Variants in UBASH3B observed in about 807,000 individuals in gnomAD.
The protein encoded by UBASH3B is ubiquitin-associated and SH3 domain-containing protein B.
UBASH3B carries 37 observed loss-of-function variants against 83.4 expected under a neutral mutation model. That is an observed-to-expected ratio of 0.44 (90% CI 0.34 to 0.58). The LOEUF (loss-of-function observed/expected upper bound fraction) is 0.58, where lower values mean the gene tolerates loss of function less well. UBASH3B is among the 20% of genes least tolerant of loss of function. The pLI is 0.01. For synonymous variants in UBASH3B, 304 were observed against 318.3 expected (o/e 0.96, Z 0.48); for missense variants, 657 against 827.2 (o/e 0.79, Z 2.52).
At position 122,720,180 on chromosome 11, in the gene UBASH3B, A is replaced by G. The variant is rs183355985; in HGVS notation, c.162-56039A>G. Among the ~76,000 whole-genome samples, 31 of 152,224 alleles carry G rather than the reference A, an allele frequency of 2.0e-4. No individual in the cohort carries two copies. In the East Asian group the frequency reaches 5.4e-3, roughly 26 times the overall value. Reference sequence around the variant, plus strand: ...CCAGACTCCGTACTCAGCATCTCCTATGGATGTCAAATAGGCATCTCAAAC... The same window carrying G: ...CCAGACTCCGTACTCAGCATCTCCTGTGGATGTCAAATAGGCATCTCAAAC... On this transcript the variant is annotated intron_variant, in intron 1 of 13. Transcript: ENST00000284273.
rs140705280 is a variant in UBASH3B at position 122,679,454 on chromosome 11, C to G, written c.161+23244C>G. Among the ~76,000 whole-genome samples, 281 of 152,316 alleles carry G rather than the reference C, an allele frequency of 1.8e-3. 1 individual carries two copies. The highest frequency in any genetic ancestry group is 6.3e-3 in the African/African-American group (262 of 41,580). On this transcript the variant is annotated intron_variant, in intron 1 of 13. Coordinates refer to ENST00000284273, the MANE Select transcript of UBASH3B (RefSeq NM_032873.5). The stretch of plus-strand genomic sequence containing the variant: ...TCAAAATGTGGTCCTCAGACCAGCC[C>G]TTTTGGTACCAACCAGGAGCTTGTT...
intron 1 of UBASH3B, among the ~76,000 whole-genome samples, chr11:122,665,019 C>T (rs1419878501): frequency 1.3e-5 from 2 of 152,244 alleles, no homozygotes; most frequent in Non-Finnish European, 2.9e-5. Flanking sequence ...CTTCATTCTC[C>T]TGCCTCAGCC....
At chr11:122,659,491 C>T (rs184875880) in intron 1 of UBASH3B, among the ~76,000 whole-genome samples, 192 of 152,250 alleles carry the variant, frequency 1.3e-3, no homozygotes, top group African/African-American at 4.3e-3. Flanking sequence ...CTGATGTGGT[C>T]GGCCTTCCCC....
intron 1 of UBASH3B, among the ~76,000 whole-genome samples, chr11:122,689,819 C>G (rs949284415): frequency 1.3e-5 from 2 of 152,090 alleles, no homozygotes; most frequent in Admixed American, 1.3e-4. Context: ...TCACAGAACT[C>G]AGGGAAACAC....
intron 1 of UBASH3B, among the ~76,000 whole-genome samples, chr11:122,722,516 A>G (rs897282707): frequency 1.3e-5 from 2 of 152,186 alleles, no homozygotes; most frequent in African/African-American, 4.8e-5. Context: ...TCAGTGGCAG[A>G]AGGAACCATC....
chr11:122,771,005 A>G lies in UBASH3B; in HGVS notation c.162-5214A>G, dbSNP rs143955034. 1.7e-3 allele frequency among the ~76,000 whole-genome samples: 255 copies of G among 152,316 alleles called. 2 individuals are homozygous for G. Among genetic ancestry groups the G allele is most frequent in the African/African-American group, 6.1e-3 (252 of 41,564 alleles). On this transcript the variant is annotated intron_variant, in intron 1 of 13. Coordinates refer to ENST00000284273, the MANE Select transcript of UBASH3B (RefSeq NM_032873.5). ...GAGATCAGGTCCAAGCTCTAAAGTG[A>G]CGCATAAGGCCTTTGCGAGTGATCT...
At chr11:122,693,024 C>T (rs1863915427) in intron 1 of UBASH3B, among the ~76,000 whole-genome samples, 1 of 152,022 alleles carries the variant, frequency 6.6e-6, no homozygotes, top group Non-Finnish European at 1.5e-5. Flanking sequence ...GTGGAGTTAG[C>T]AGCAATGTTT....
intron 1 of UBASH3B, among the ~76,000 whole-genome samples, chr11:122,750,748 A>T (rs1232948805): frequency 6.6e-6 from 1 of 152,182 alleles, no homozygotes; most frequent in Non-Finnish European, 1.5e-5. Context: ...TTAAGATCCT[A>T]GTCCAAGCTC....
intron 3 of UBASH3B, among the ~76,000 whole-genome samples, chr11:122,777,560 A>T (rs1432748224): frequency 6.6e-6 from 1 of 152,196 alleles, no homozygotes; most frequent in Admixed American, 6.5e-5. Context: ...AAGAGGAGGA[A>T]CTAAGAGCAG....
In UBASH3B at chr11:122,779,637, T is replaced by G; in HGVS notation, c.543T>G (p.Ser181Arg). The G allele has an allele frequency of 6.2e-7, 1 of 1,614,170 alleles. No individual in the cohort carries two copies. Among genetic ancestry groups the G allele is most frequent in the Non-Finnish European group, 8.5e-7 (1 of 1,180,024 alleles). Residue 181 changes from serine (S) to arginine (R), a missense_variant, in exon 4 of 14, where the codon AGT (serine) becomes AGG (arginine). Physicochemically the swap from Ser to Arg is moderately radical, Grantham distance 110. Transcript: ENST00000284273. ...NFIGLFVKED[S>R]AEVLKKFAAD... Reference sequence around the variant, plus strand: ...TCGGCCTCTTTGTAAAGGAAGACAGTGCGGAGGTCCTCAAGAAGTTTGCTG... The same window carrying G: ...TCGGCCTCTTTGTAAAGGAAGACAGGGCGGAGGTCCTCAAGAAGTTTGCTG...
At chr11:122,682,678 C>T (rs1018312402) in intron 1 of UBASH3B, among the ~76,000 whole-genome samples, 6 of 152,140 alleles carry the variant, frequency 3.9e-5, no homozygotes, top group Admixed American at 3.3e-4. Context: ...AGGAATAACC[C>T]AGCTCTGGGC....
At chr11:122,669,286 G>A (rs1863559837) in intron 1 of UBASH3B, among the ~76,000 whole-genome samples, 1 of 152,132 alleles carries the variant, frequency 6.6e-6, no homozygotes, top group Non-Finnish European at 1.5e-5. Context: ...TTTTTCCAGA[G>A]TCCGCCTCCA....
At chr11:122,784,174 T>C (rs1860907160) in intron 5 of UBASH3B, among the ~76,000 whole-genome samples, 1 of 152,162 alleles carries the variant, frequency 6.6e-6, no homozygotes, top group African/African-American at 2.4e-5. Flanking sequence ...TCTCAGGTGA[T>C]CTGCACGCCT....
In UBASH3B at chr11:122,810,707, C is replaced by T. The variant is rs1005434494; in HGVS notation, c.*821C>T. On this transcript the variant is annotated 3_prime_UTR_variant, in exon 14 of 14. Coordinates refer to ENST00000284273, the MANE Select transcript of UBASH3B (RefSeq NM_032873.5). Reference sequence around the variant, plus strand: ...TGGAATTAACCATGTTGTAGCCTAACGTGCTACTGCATTTCTAAATCATCA... The same window carrying T: ...TGGAATTAACCATGTTGTAGCCTAATGTGCTACTGCATTTCTAAATCATCA... 3.3e-5 allele frequency: 5 copies of T among 152,486 alleles called. No individual in the cohort carries two copies. The highest frequency in any genetic ancestry group is 2.6e-4 in the Admixed American group (4 of 15,272). The allele number at this position is 152,486 out of a possible 1,614,324, so 9.4% of individuals were successfully genotyped here.
chr11:122,783,285 C>T (rs999626224), intron 5 of UBASH3B, 63 bp downstream of exon 5: 50 of 1,560,094 alleles, frequency 3.2e-5, no homozygotes, highest in South Asian at 4.7e-5. Flanking sequence ...ATCAGCAGCT[C>T]GCTGCTGCAG....
intron 5 of UBASH3B, among the ~76,000 whole-genome samples, chr11:122,786,077 T>C (rs1860944556): frequency 6.6e-6 from 1 of 152,030 alleles, no homozygotes; most frequent in Non-Finnish European, 1.5e-5. Context: ...TGAGACGGAG[T>C]CTTACTCTGT....
At chr11:122,692,116 G>C (rs914288299) in intron 1 of UBASH3B, among the ~76,000 whole-genome samples, 4 of 152,118 alleles carry the variant, frequency 2.6e-5, no homozygotes, top group Non-Finnish European at 4.4e-5. Context: ...TCCTCACTTG[G>C]AAATTGGCAT....
chr11:122,743,069 G>T (rs1215006261), intron 1 of UBASH3B, among the ~76,000 whole-genome samples: 1 of 152,148 alleles, frequency 6.6e-6, no homozygotes, highest in Non-Finnish European at 1.5e-5. Context: ...TCTCCTTTCA[G>T]CGTCCTTGTT....
chr11:122,678,294 C>A (rs1323218757), intron 1 of UBASH3B, among the ~76,000 whole-genome samples: 2 of 152,166 alleles, frequency 1.3e-5, no homozygotes, highest in African/African-American at 4.8e-5. Flanking sequence ...CCAGGTGGGA[C>A]CCTACTCCAT....
Sources: allele counts gnomAD v4.1 joint callset (sites outside exome capture counted in the v4.1 genomes callset), GRCh38; gene constraint gnomAD v4.1.1; transcripts MANE v1.5; gene names NCBI Gene and HGNC (gene_info 2026-07-23, HGNC 2026-07-21).